GAREM1: variants seen among roughly 807,000 people sequenced by gnomAD.
GAREM1 encodes the protein GRB2-associated and regulator of MAPK protein 1.
Under a neutral mutation model 71.3 loss-of-function variants are expected in GAREM1, and 26 were observed. The observed-to-expected ratio is 0.36, with a 90% CI of 0.27 to 0.51. GAREM1 has a LOEUF of 0.51. GAREM1 is among the 20% of genes least tolerant of loss of function. The pLI is 0.95. For missense variants in GAREM1, 1,026 were observed against 1,103.1 expected (o/e 0.93, Z 0.99); for synonymous variants, 440 against 433.2 (o/e 1.02, Z -0.20).
chr18:32,335,997 G>A (rs978994780), intron 2 of GAREM1, among the ~76,000 whole-genome samples: 66 of 152,224 alleles, frequency 4.3e-4, no homozygotes, highest in Non-Finnish European at 8.4e-4. Context: ...TAATGGGCAT[G>A]AGGTTCAAAG....
At chr18:32,453,917 G>T (rs1444923729) in intron 1 of GAREM1, among the ~76,000 whole-genome samples, 1 of 152,006 alleles carries the variant, frequency 6.6e-6, no homozygotes, top group Non-Finnish European at 1.5e-5. Context: ...TAGTGCTGGG[G>T]ACACAATGAT....
intron 2 of GAREM1, among the ~76,000 whole-genome samples, chr18:32,325,250 T>C (rs1054926867): frequency 6.6e-6 from 1 of 152,070 alleles, no homozygotes; most frequent in Non-Finnish European, 1.5e-5. Context: ...GCACAGAGGT[T>C]TTTTAGGGCA....
intron 2 of GAREM1, among the ~76,000 whole-genome samples, chr18:32,332,351 G>C (rs546437244): frequency 1.3e-5 from 2 of 152,122 alleles, no homozygotes; most frequent in Admixed American, 6.6e-5. Context: ...GGCACGCCAT[G>C]TAACACACCA....
In GAREM1 at chr18:32,470,364, G is replaced by A. The variant is rs2049040797; in HGVS notation, c.65C>T (p.Pro22Leu). 3.2e-6 allele frequency: 5 copies of A among 1,566,908 alleles called. No homozygotes were observed. Among genetic ancestry groups the A allele is most frequent in the Non-Finnish European group, 4.3e-6 (5 of 1,158,552 alleles). Residue 22 changes from proline (P) to leucine (L), a missense_variant, in exon 1 of 6, where the codon CCG becomes CTG. Physicochemically the swap from Pro to Leu is moderately conservative, Grantham distance 98 (BLOSUM62 -3). Coordinates refer to ENST00000269209, the MANE Select transcript of GAREM1 (RefSeq NM_001242409.2). This position sits in a 1 kb window ranked among gnomAD's most constrained non-coding sequence, Gnocchi z 4.4. ...GTAAGTGCTGACCAGGAGGTCGAGC[G>A]GCACGGCCACCGAGCTCCACTTCAC... ...KDVKWSSVAVPLDLLVSTYRL... is the reference protein window; with the variant it reads ...KDVKWSSVAVLLDLLVSTYRL...
intron 2 of GAREM1, among the ~76,000 whole-genome samples, chr18:32,325,029 T>G (rs9961142): frequency 6.6e-6 from 1 of 152,154 alleles, no homozygotes; most frequent in African/African-American, 2.4e-5. Context: ...CTTGGCTCAC[T>G]GCAACCTCCA....
Position 32,438,381 on chromosome 18 carries a change from C to A in GAREM1, c.121+31927G>T, listed in dbSNP as rs147519362. 2.2e-4 allele frequency among the ~76,000 whole-genome samples: 34 copies of A among 152,306 alleles called. 1 individual carries two copies. The highest frequency in any genetic ancestry group is 7.7e-4 in the African/African-American group (32 of 41,574). On this transcript the variant is annotated intron_variant, in intron 1 of 5. Coordinates refer to ENST00000269209, the MANE Select transcript of GAREM1 (RefSeq NM_001242409.2). ...TTCCTCACCTTGGCCATCTGCCTGG[C>A]TTGCCTGGCTTCTGTGATGACAGCT...
At chr18:32,368,742 TTTTC>T (rs1241918634) in intron 2 of GAREM1, among the ~76,000 whole-genome samples, 3 of 152,218 alleles carry the variant, frequency 2.0e-5, no homozygotes, top group Non-Finnish European at 2.9e-5. Flanking sequence ...CTTTCACATA[TTTTC>T]TTTCTTTCTC....
chr18:32,351,519 A>G (rs555751332), intron 2 of GAREM1, among the ~76,000 whole-genome samples: 1 of 152,332 alleles, frequency 6.6e-6, no homozygotes, highest in East Asian at 1.9e-4. Flanking sequence ...TGGGTTTCAC[A>G]CAGTTCAGCT....
intron 1 of GAREM1, among the ~76,000 whole-genome samples, chr18:32,410,165 C>T (rs143573095): frequency 2.8e-4 from 43 of 152,276 alleles, no homozygotes; most frequent in African/African-American, 9.1e-4. Flanking sequence ...CTCTACTAGA[C>T]ATCAGATGCC....
At chr18:32,397,680 T>G (rs2048271172) in intron 1 of GAREM1, among the ~76,000 whole-genome samples, 1 of 152,146 alleles carries the variant, frequency 6.6e-6, no homozygotes, top group Non-Finnish European at 1.5e-5. Context: ...ACAAAGAGAC[T>G]TAGAACTCCC....
At chr18:32,437,575 C>T (rs769471479) in intron 1 of GAREM1, among the ~76,000 whole-genome samples, 1 of 152,086 alleles carries the variant, frequency 6.6e-6, no homozygotes, top group Admixed American at 6.5e-5. Context: ...AAATGAGCAG[C>T]AGGGACAATG....
chr18:32,384,502 T>C (rs2048126504), intron 2 of GAREM1, among the ~76,000 whole-genome samples: 1 of 152,210 alleles, frequency 6.6e-6, no homozygotes, highest in Non-Finnish European at 1.5e-5. Flanking sequence ...CATGGAAAAT[T>C]CGGGTAATGA....
intron 1 of GAREM1, among the ~76,000 whole-genome samples, chr18:32,461,899 G>A (rs140630162): frequency 6.6e-6 from 1 of 152,182 alleles, no homozygotes; most frequent in African/African-American, 2.4e-5. Context: ...AGATACCTCA[G>A]GAATCTCAAA....
intron 1 of GAREM1, among the ~76,000 whole-genome samples, chr18:32,441,994 ATTT>A (rs35560827): frequency 1.3e-5 from 2 of 148,818 alleles, no homozygotes; most frequent in East Asian, 2.0e-4. Flanking sequence ...GCAAATTGTA[ATTT>A]TTTTTTTTTA....
chr18:32,362,485 T>C (rs1380653497), intron 2 of GAREM1, among the ~76,000 whole-genome samples: 2 of 152,130 alleles, frequency 1.3e-5, no homozygotes, highest in Non-Finnish European at 2.9e-5. Context: ...ACAACTGCAA[T>C]GTGTGATTTT....
intron 1 of GAREM1, among the ~76,000 whole-genome samples, chr18:32,457,226 A>AGAGAGTGTGTGTGT (rs1555648709): frequency 1.3e-3 from 103 of 81,968 alleles, no homozygotes; most frequent in African/African-American, 4.0e-3. Context: ...AGAGAGAGAG[A>AGAGAGTGTGTGTGT]GTGTGTGTGT....
chr18:32,328,019 G>A lies in GAREM1; in HGVS notation c.263-17696C>T, dbSNP rs1292559807. Reference sequence around the variant, plus strand: ...ATTTTTTATTATCAAGATTCCATAAGAGAATTAAATATACAGGCCAAATTA... The same window carrying A: ...ATTTTTTATTATCAAGATTCCATAAAAGAATTAAATATACAGGCCAAATTA... On this transcript the variant is annotated intron_variant, in intron 2 of 5. Coordinates refer to ENST00000269209, the MANE Select transcript of GAREM1 (RefSeq NM_001242409.2). Among the ~76,000 whole-genome samples, 3 of 152,192 alleles carry A rather than the reference G, an allele frequency of 2.0e-5. No individual in the cohort carries two copies. The South Asian group carries it at 6.2e-4, about 32-fold the overall frequency.
At chr18:32,334,133 C>T (rs1044781303) in intron 2 of GAREM1, among the ~76,000 whole-genome samples, 1 of 152,140 alleles carries the variant, frequency 6.6e-6, no homozygotes, top group African/African-American at 2.4e-5. Flanking sequence ...CAAACTGTAA[C>T]CCAGCCAGAT....
chr18:32,391,390 GT>G (rs990343828), intron 2 of GAREM1, among the ~76,000 whole-genome samples: 1 of 152,170 alleles, frequency 6.6e-6, no homozygotes, highest in Non-Finnish European at 1.5e-5. Flanking sequence ...CTCTAAAGGG[GT>G]TTGAGGAAGT....
Sources: gnomAD v4.1 joint callset for allele counts (sites outside exome capture counted in the v4.1 genomes callset) on GRCh38, gnomAD v4.1.1 for gene constraint, Gnocchi (gnomAD v3.1) non-coding constraint, MANE v1.5 for transcripts, NCBI Gene and HGNC (gene_info 2026-07-23, HGNC 2026-07-21) for gene names.